Variants in SAMD5 observed in about 807,000 individuals in gnomAD.
SAMD5 encodes sterile alpha motif domain-containing protein 5.
SAMD5 carries 13 observed loss-of-function variants against 11.3 expected under a neutral mutation model. The ratio of observed to expected loss-of-function variants is 1.15; its 90% CI spans 0.75 to 1.83. SAMD5 has a LOEUF of 1.83. Among genes scored for constraint, SAMD5 ranks in the 40% most tolerant of loss-of-function variants. The pLI is 0.00. For synonymous variants in SAMD5, 129 were observed against 111.3 expected, an observed-to-expected ratio of 1.16 and a Z score of -1.00; for missense variants, 255 against 239.1, an observed-to-expected ratio of 1.07 and a Z score of -0.44.
the SAMD5 span, among the ~76,000 whole-genome samples, chr6:147,917,360 G>C: frequency 1.3e-5 from 2 of 148,940 alleles, no homozygotes; most frequent in Non-Finnish European, 3.0e-5. Context: ...GTCTTCTTTT[G>C]AGAAGTGTCT....
chr6:147,868,322 A>G, the SAMD5 span, among the ~76,000 whole-genome samples: 1 of 152,300 alleles, frequency 6.6e-6, no homozygotes, highest in East Asian at 1.9e-4. Flanking sequence ...TAATCTTCCA[A>G]TAGGTCTTTA....
At chr6:147,905,047 C>G in the SAMD5 span, among the ~76,000 whole-genome samples, 1 of 152,076 alleles carries the variant, frequency 6.6e-6, no homozygotes, top group African/African-American at 2.4e-5. Context: ...CGCCACCACG[C>G]CCAGCTAATT....
intron 1 of SAMD5, among the ~76,000 whole-genome samples, chr6:147,584,039 AATATAT>A (rs1432694350): frequency 6.6e-6 from 1 of 152,126 alleles, no homozygotes; most frequent in Non-Finnish European, 1.5e-5. Context: ...TTTAGAAAAA[AATATAT>A]ATATAGTCTA....
chr6:147,676,675 A>G (rs1326442566), intron 1 of SAMD5, among the ~76,000 whole-genome samples: 1 of 152,196 alleles, frequency 6.6e-6, no homozygotes, highest in Admixed American at 6.5e-5. Flanking sequence ...GTAGGGATGA[A>G]TCATCCTAAG....
intron 1 of SAMD5, among the ~76,000 whole-genome samples, chr6:147,580,612 C>A (rs1789282986): frequency 6.6e-6 from 1 of 152,212 alleles, no homozygotes; most frequent in Non-Finnish European, 1.5e-5. Context: ...GCTAGTGTGA[C>A]TGAGGACTAG....
intron 1 of SAMD5, among the ~76,000 whole-genome samples, chr6:147,731,704 CCTTTCCTTCCTTCCTT>C (rs200857157): frequency 0.027 from 3,962 of 147,304 alleles, 72 homozygotes; most frequent in South Asian, 0.048. Flanking sequence ...CTCCCTCCCT[CCTTTCCTTCCTTCCTT>C]CTTTCCTTCC....
the SAMD5 span, among the ~76,000 whole-genome samples, chr6:147,916,799 A>G: frequency 1.4e-5 from 2 of 147,008 alleles, no homozygotes; most frequent in Non-Finnish European, 3.0e-5. Flanking sequence ...GAGTGAGAAT[A>G]TACGGTGTTT....
At chr6:147,545,526 GA>G in intron 1 of SAMD5, among the ~76,000 whole-genome samples, 1 of 152,236 alleles carries the variant, frequency 6.6e-6, no homozygotes, top group Non-Finnish European at 1.5e-5. Context: ...TAAATTAGCT[GA>G]AAAGATCTGA....
intron 1 of SAMD5, among the ~76,000 whole-genome samples, chr6:147,700,636 A>G (rs911640335): frequency 2.6e-5 from 4 of 152,248 alleles, no homozygotes; most frequent in Non-Finnish European, 5.9e-5. Context: ...CTGAATGATC[A>G]TTCTGCTACA....
chr6:147,671,758 T>A (rs1790798474), intron 1 of SAMD5, among the ~76,000 whole-genome samples: 1 of 152,168 alleles, frequency 6.6e-6, no homozygotes, highest in Non-Finnish European at 1.5e-5. Flanking sequence ...GTCAATTGCT[T>A]ATCTTTTCTC....
the SAMD5 span, among the ~76,000 whole-genome samples, chr6:147,799,335 T>C: frequency 6.6e-6 from 1 of 152,112 alleles, no homozygotes; most frequent in Non-Finnish European, 1.5e-5. Flanking sequence ...TGAAGCTTAG[T>C]TTGGCTGGAT....
chr6:147,921,968 C>T, the SAMD5 span, among the ~76,000 whole-genome samples: 4 of 152,140 alleles, frequency 2.6e-5, no homozygotes, highest in African/African-American at 9.7e-5. Context: ...AGAAATTATC[C>T]TGAAATGATA....
chr6:147,709,991 A>G (rs1314423577), intron 1 of SAMD5, among the ~76,000 whole-genome samples: 1 of 152,218 alleles, frequency 6.6e-6, no homozygotes, highest in Non-Finnish European at 1.5e-5. Flanking sequence ...AGTGAGGTCT[A>G]CAAAGTGCTT....
the SAMD5 span, among the ~76,000 whole-genome samples, chr6:147,798,684 T>G: frequency 1.3e-5 from 2 of 152,100 alleles, no homozygotes; most frequent in Non-Finnish European, 2.9e-5. Context: ...AGTCTCCCAT[T>G]ATTAATGTGT....
At chr6:147,695,106 T>C (rs1262234460) in intron 1 of SAMD5, among the ~76,000 whole-genome samples, 1 of 152,188 alleles carries the variant, frequency 6.6e-6, no homozygotes, top group Admixed American at 6.6e-5. Context: ...GGTTACTCCA[T>C]GAAAGTCACA....
intron 1 of SAMD5, among the ~76,000 whole-genome samples, chr6:147,681,550 T>G (rs1790940790): frequency 6.6e-6 from 1 of 152,218 alleles, no homozygotes; most frequent in Admixed American, 6.5e-5. Context: ...TTTTTACTCC[T>G]TTTCATGGAT....
chr6:147,573,262 G>GCGGTTTAA (rs746956945), downstream of SAMD5, among the ~76,000 whole-genome samples: 5,800 of 152,216 alleles, frequency 0.038, 138 homozygotes, highest in African/African-American at 0.057. Flanking sequence ...ATAAAGGAAA[G>GCGGTTTAA]TGGTTTAATT....
At chr6:147,850,947 CT>C in the SAMD5 span, among the ~76,000 whole-genome samples, 2,648 of 133,396 alleles carry the variant, frequency 0.02, 65 homozygotes, top group African/African-American at 0.066. Context: ...TATAATTGTT[CT>C]TTTTTTTTTT....
At chr6:147,541,328 C>T (rs1300331109) in intron 1 of SAMD5, among the ~76,000 whole-genome samples, 1 of 152,190 alleles carries the variant, frequency 6.6e-6, no homozygotes, top group East Asian at 1.9e-4. Flanking sequence ...TTGCAAGATG[C>T]TGCCCAGTGG....
Sources: gnomAD v4.1 joint callset for allele counts (sites outside exome capture counted in the v4.1 genomes callset) on GRCh38, gnomAD v4.1.1 for gene constraint, MANE v1.5 for transcripts, NCBI Gene and HGNC (gene_info 2026-07-23, HGNC 2026-07-21) for gene names.